The following BORCS5 variants were observed in gnomAD, a reference collection of about 807,000 sequenced individuals.
BORCS5 encodes the protein BLOC-1 related complex subunit 5, also known as BLOC-1-related complex subunit 5.
In BORCS5, 17 loss-of-function variants were observed where a neutral mutation model predicts 22.1. That is an observed-to-expected ratio of 0.77 (90% confidence interval 0.53 to 1.15). The LOEUF (loss-of-function observed/expected upper bound fraction) is 1.15. Among genes scored for constraint, BORCS5 ranks in the 50% most tolerant of loss-of-function variants. The pLI, the probability that BORCS5 is intolerant of heterozygous loss-of-function variation, is 0.00. For synonymous variants in BORCS5, 117 were observed against 99.8 expected (o/e 1.17, Z -1.03); for missense variants, 247 against 253.2 (o/e 0.98, Z 0.17).
chr12:12,378,402 CT>C lies in BORCS5; in HGVS notation c.202+17057del, dbSNP rs1435997965. 5.9e-5 allele frequency among the ~76,000 whole-genome samples: 9 copies of C among 152,226 alleles called. No homozygotes were observed. The East Asian group carries it at 1.7e-3, about 29-fold the overall frequency. The stretch of plus-strand genomic sequence containing the variant: ...AAATACATAAAGTCTACTACAAACA[CT>C]TTTATTTAAAAGAGAGAACATAGGC... On this transcript the variant is annotated intron_variant, in intron 2 of 3. Coordinates refer to ENST00000314565, the MANE Select transcript of BORCS5 (RefSeq NM_058169.6).
intron 2 of BORCS5, among the ~76,000 whole-genome samples, chr12:12,423,077 C>G (rs1427144078): frequency 6.6e-6 from 1 of 152,000 alleles, no homozygotes; most frequent in Non-Finnish European, 1.5e-5. Flanking sequence ...TCTCGACTCA[C>G]TGCAAGCTCC....
At chr12:12,395,699 G>GC (rs1941321669) in intron 2 of BORCS5, among the ~76,000 whole-genome samples, 1 of 152,022 alleles carries the variant, frequency 6.6e-6, no homozygotes, top group Admixed American at 6.6e-5. Context: ...GCAGTAGGGA[G>GC]CAGGGTATTA....
intron 2 of BORCS5, among the ~76,000 whole-genome samples, chr12:12,363,197 TG>T (rs1408008506): frequency 1.3e-5 from 2 of 151,524 alleles, no homozygotes; most frequent in Non-Finnish European, 2.9e-5. Flanking sequence ...GTTGGGAAGC[TG>T]TTGTAGAAGG....
rs536118613 is a variant in BORCS5 at position 12,422,465 on chromosome 12, T to C, written c.203-13163T>C. The stretch of plus-strand genomic sequence containing the variant: ...CCCATCTCTACTAAAAATTCAAAAA[T>C]TAGCCAGGCGTGGTGGCACATGCCT... On this transcript the variant is annotated intron_variant, in intron 2 of 3. Transcript: ENST00000314565. Among the ~76,000 whole-genome samples the C allele has an allele frequency of 9.9e-5, 15 of 152,196 alleles. No individual in the cohort carries two copies. The South Asian group carries it at 2.9e-3, about 29-fold the overall frequency.
chr12:12,419,066 T>A (rs1333825702), intron 2 of BORCS5, among the ~76,000 whole-genome samples: 1 of 152,136 alleles, frequency 6.6e-6, no homozygotes, highest in East Asian at 1.9e-4. Context: ...TTATTATACT[T>A]TAAGTTCTAG....
chr12:12,421,549 G>A (rs2136105251), intron 2 of BORCS5, among the ~76,000 whole-genome samples: 1 of 152,294 alleles, frequency 6.6e-6, no homozygotes, highest in South Asian at 2.1e-4. Context: ...TTGGTATCAG[G>A]ATGCTGCTGG....
intron 2 of BORCS5, among the ~76,000 whole-genome samples, chr12:12,382,135 T>C (rs1383613542): frequency 1.3e-5 from 2 of 151,400 alleles, no homozygotes; most frequent in Admixed American, 6.6e-5. Flanking sequence ...GGGTAATTTA[T>C]AAAGAAGAGA....
chr12:12,358,573 AGGG>A (rs771342767), intron 1 of BORCS5, among the ~76,000 whole-genome samples: 3 of 152,218 alleles, frequency 2.0e-5, no homozygotes, highest in Non-Finnish European at 2.9e-5. Context: ...AACATATTTT[AGGG>A]GGAAGCGGTG....
At chr12:12,436,023 A>T (rs1008810568) in intron 3 of BORCS5, 2 of 427,738 alleles carry the variant, frequency 4.7e-6, no homozygotes, top group African/African-American at 2.0e-5. Flanking sequence ...CAGTTTCCTC[A>T]TGTGAAAAAT....
chr12:12,396,357 C>G (rs781756031), intron 2 of BORCS5, among the ~76,000 whole-genome samples: 4 of 152,188 alleles, frequency 2.6e-5, no homozygotes, highest in East Asian at 3.9e-4. Context: ...TTCACTGATG[C>G]ATACTCAATG....
intron 3 of BORCS5, among the ~76,000 whole-genome samples, chr12:12,464,575 A>T (rs982395437): frequency 6.6e-6 from 1 of 151,740 alleles, no homozygotes; most frequent in East Asian, 1.9e-4. Flanking sequence ...TCAGTAGTTG[A>T]GCTGTTTTCT....
rs552552269 is a variant in BORCS5, at chr12:12,403,559, G to T, written c.203-32069G>T. On this transcript the variant is annotated intron_variant, in intron 2 of 3. Coordinates refer to ENST00000314565, the MANE Select transcript of BORCS5 (RefSeq NM_058169.6). ...AATTAATTACATACTTTTTTTTCCC[G>T]AGTATTATCAACTAACATGTTCCAT... 9.2e-5 allele frequency among the ~76,000 whole-genome samples: 14 copies of T among 152,156 alleles called. No homozygotes were observed. In the South Asian group the frequency reaches 2.3e-3, roughly 25 times the overall value.
chr12:12,367,137 T>C (rs564680294), intron 2 of BORCS5, among the ~76,000 whole-genome samples: 1 of 152,260 alleles, frequency 6.6e-6, no homozygotes, highest in African/African-American at 2.4e-5. Flanking sequence ...TCAAATCACA[T>C]GGAACATTGA....
chr12:12,438,382 G>GAAAAA lies in BORCS5; in HGVS notation c.360+2598_360+2602dup, dbSNP rs1565915767. ...TCTCAAAAAAAAAAAAAAAAAAAACGAAAAACAACAACAAAAACCTCTAAT... is the reference window on the plus strand; with the variant it reads ...TCTCAAAAAAAAAAAAAAAAAAAACGAAAAAAAAAACAACAACAAAAACCTCTAAT... On this transcript the variant is annotated intron_variant, in intron 3 of 3. Coordinates refer to ENST00000314565, the MANE Select transcript of BORCS5 (RefSeq NM_058169.6). 8.7e-4 allele frequency among the ~76,000 whole-genome samples: 93 copies of GAAAAA among 106,816 alleles called. 1 individual carries two copies. The highest frequency in any genetic ancestry group is 3.4e-3 in the African/African-American group (61 of 18,050). 70.1% of individuals were successfully genotyped at this position (106,816 alleles called of 152,430 possible).
rs1480864022 is a variant in BORCS5, at chr12:12,420,988, T to A, written c.203-14640T>A. On this transcript the variant is annotated intron_variant, in intron 2 of 3. Coordinates refer to ENST00000314565, the MANE Select transcript of BORCS5 (RefSeq NM_058169.6). ...GTTTTCTAAATATACAATCATGTCA[T>A]CTGCAAACAGGGACAATTTGACTTC... 3.3e-5 allele frequency among the ~76,000 whole-genome samples: 5 copies of A among 152,248 alleles called. 1 individual carries two copies. The highest frequency in any genetic ancestry group is 1.2e-4 in the African/African-American group (5 of 41,456).
chr12:12,389,501 C>A (rs1941113534), intron 2 of BORCS5, among the ~76,000 whole-genome samples: 3 of 142,608 alleles, frequency 2.1e-5, no homozygotes, highest in Admixed American at 1.4e-4. Flanking sequence ...CTGCCAGTAT[C>A]TTTTAAGCCC....
intron 2 of BORCS5, among the ~76,000 whole-genome samples, chr12:12,379,267 C>T (rs914733258): frequency 3.3e-5 from 5 of 150,632 alleles, no homozygotes; most frequent in East Asian, 3.9e-4. Context: ...ACTACAGGCA[C>T]GTGCCACCAT....
chr12:12,416,233 C>G (rs1254694095), intron 2 of BORCS5, among the ~76,000 whole-genome samples: 1 of 152,066 alleles, frequency 6.6e-6, no homozygotes, highest in Non-Finnish European at 1.5e-5. Context: ...TCTACTCTAG[C>G]AAAAGGTTTG....
chr12:12,448,012 G>C (rs1942825147), intron 3 of BORCS5, among the ~76,000 whole-genome samples: 1 of 152,074 alleles, frequency 6.6e-6, no homozygotes, highest in Non-Finnish European at 1.5e-5. Context: ...TTTACCATGT[G>C]CCAGGTCTAG....
Sources: gnomAD v4.1 joint callset for allele counts (sites outside exome capture counted in the v4.1 genomes callset) on GRCh38, gnomAD v4.1.1 for gene constraint, MANE v1.5 for transcripts, NCBI Gene and HGNC (gene_info 2026-07-23, HGNC 2026-07-21) for gene names.